Variants in NRXN3 observed in about 807,000 individuals in gnomAD.
The protein encoded by NRXN3 is neurexin 3.
NRXN3 carries 32 observed loss-of-function variants against 137.6 expected under a neutral mutation model. The ratio of observed to expected loss-of-function variants is 0.23; its 90% CI spans 0.18 to 0.31. NRXN3 has a LOEUF of 0.31. Ranked by LOEUF, NRXN3 falls within the 10% of genes least tolerant of loss-of-function variation. The pLI is 1.00. For missense variants in NRXN3, 1,574 were observed against 2,062.5 expected (o/e 0.76, Z 4.59); for synonymous variants, 798 against 784.5 (o/e 1.02, Z -0.29).
chr14:78,925,155 G>A (rs929288118), intron 10 of NRXN3, among the ~76,000 whole-genome samples: 13 of 152,104 alleles, frequency 8.5e-5, no homozygotes, highest in African/African-American at 3.1e-4. Flanking sequence ...TTTTAAAAGA[G>A]GAAATATTTC....
At chr14:78,583,676 T>C (rs1048168148) in intron 4 of NRXN3, among the ~76,000 whole-genome samples, 17 of 152,178 alleles carry the variant, frequency 1.1e-4, no homozygotes, top group Admixed American at 2.6e-4. Context: ...TATGTCTGCA[T>C]TGAATTAGTA....
intron 15 of NRXN3, among the ~76,000 whole-genome samples, chr14:79,252,179 T>C (rs1164119241): frequency 2.6e-5 from 4 of 152,180 alleles, no homozygotes; most frequent in Non-Finnish European, 5.9e-5. Context: ...ATGCCTCCAA[T>C]TCCACCTCTT....
At chr14:78,502,575 T>C (rs12588953) in intron 4 of NRXN3, among the ~76,000 whole-genome samples, 1 of 151,690 alleles carries the variant, frequency 6.6e-6, no homozygotes, top group Admixed American at 6.6e-5. Context: ...GATGCACAAG[T>C]CTTGATAAAA....
At chr14:78,372,753 G>C (rs2087098863) in intron 4 of NRXN3, among the ~76,000 whole-genome samples, 2 of 152,178 alleles carry the variant, frequency 1.3e-5, no homozygotes, top group South Asian at 2.1e-4. Flanking sequence ...ATAAGCTAAG[G>C]TATGTTGAAA....
intron 11 of NRXN3, among the ~76,000 whole-genome samples, chr14:78,959,169 G>A (rs2099403252): frequency 6.6e-6 from 1 of 152,110 alleles, no homozygotes. Context: ...GTGTAGAGAA[G>A]GATAGCCTGT....
chr14:78,811,305 A>G (rs576917523), intron 10 of NRXN3, among the ~76,000 whole-genome samples: 1 of 152,286 alleles, frequency 6.6e-6, no homozygotes, highest in Non-Finnish European at 1.5e-5. Flanking sequence ...TCAGGGATCT[A>G]GGATCCTTCC....
intron 1 of NRXN3, among the ~76,000 whole-genome samples, chr14:78,220,839 A>G (rs1260499094): frequency 6.6e-6 from 1 of 152,040 alleles, no homozygotes; most frequent in African/African-American, 2.4e-5. Flanking sequence ...GCCAGAGGGG[A>G]GAGAAGCACA....
chr14:79,653,192 C>T (rs2098485446), intron 16 of NRXN3, among the ~76,000 whole-genome samples: 1 of 152,252 alleles, frequency 6.6e-6, no homozygotes, highest in Admixed American at 6.5e-5. Context: ...ACAGTAGATT[C>T]CCCTTGCAGG....
intron 15 of NRXN3, among the ~76,000 whole-genome samples, chr14:79,016,861 C>T (rs1409012318): frequency 2.6e-5 from 4 of 152,136 alleles, no homozygotes; most frequent in African/African-American, 9.7e-5. Flanking sequence ...AACAGTAAGC[C>T]TGACTGCAGA....
intron 16 of NRXN3, among the ~76,000 whole-genome samples, chr14:79,637,881 CACCA>C: frequency 6.6e-6 from 1 of 151,676 alleles, no homozygotes; most frequent in Non-Finnish European, 1.5e-5. Flanking sequence ...AGGTGTGCGC[CACCA>C]TGCCTGGCTA....
intron 16 of NRXN3, among the ~76,000 whole-genome samples, chr14:79,640,716 A>T (rs2098427876): frequency 7.3e-6 from 1 of 136,142 alleles, no homozygotes; most frequent in Admixed American, 7.7e-5. Context: ...CATTTCAAGC[A>T]TGGAAAGCTT....
At chr14:78,630,325 C>G (rs960570240) in intron 4 of NRXN3, among the ~76,000 whole-genome samples, 1 of 152,122 alleles carries the variant, frequency 6.6e-6, no homozygotes, top group Admixed American at 6.5e-5. Context: ...GACTACTTTT[C>G]TATTTATTTA....
In NRXN3 at chr14:79,623,845, TC is replaced by T. The variant is rs939721283; in HGVS notation, c.3445-39931del. 5.1e-5 allele frequency among the ~76,000 whole-genome samples: 7 copies of T among 137,526 alleles called. 1 individual carries two copies. The South Asian group carries it at 1.4e-3, about 27-fold the overall frequency. 90.2% of individuals were successfully genotyped at this position (137,526 alleles called of 152,430 possible). A position where few individuals can be genotyped will look rare whatever the true frequency, so the allele number is the denominator to read the frequency against. Reference sequence around the variant, plus strand: ...TGAAAGAAATCACTGAGTCCTTAGCTCCTGTTTTTTTTTTTTTTTTTTTTGG... The same window carrying T: ...TGAAAGAAATCACTGAGTCCTTAGCTCTGTTTTTTTTTTTTTTTTTTTTGG... On this transcript the variant is annotated intron_variant, in intron 16 of 20. Coordinates refer to ENST00000335750, the MANE Select transcript of NRXN3 (RefSeq NM_001330195.2).
At chr14:79,577,985 A>AT (rs1432873039) in intron 16 of NRXN3, among the ~76,000 whole-genome samples, 1 of 152,202 alleles carries the variant, frequency 6.6e-6, no homozygotes, top group Non-Finnish European at 1.5e-5. Context: ...CACTGTTATT[A>AT]TACCAACTCT....
intron 16 of NRXN3, among the ~76,000 whole-genome samples, chr14:79,647,659 T>C (rs1442259944): frequency 7.4e-6 from 1 of 135,584 alleles, no homozygotes; most frequent in African/African-American, 2.5e-5. Flanking sequence ...AGCCGACCCA[T>C]CTCTCTGAAG....
chr14:79,739,080 A>G (rs1297710138), intron 19 of NRXN3, among the ~76,000 whole-genome samples: 2 of 152,188 alleles, frequency 1.3e-5, no homozygotes, highest in Non-Finnish European at 2.9e-5. Context: ...CTGCCATCCC[A>G]TTTCAAAGAC....
At chr14:79,652,614 G>A (rs1312348300) in intron 16 of NRXN3, among the ~76,000 whole-genome samples, 1 of 152,104 alleles carries the variant, frequency 6.6e-6, no homozygotes, top group Non-Finnish European at 1.5e-5. Flanking sequence ...AGAGCACATA[G>A]CTTTGAAATA....
chr14:78,305,597 G>A (rs2077288687), intron 4 of NRXN3, among the ~76,000 whole-genome samples: 2 of 152,154 alleles, frequency 1.3e-5, no homozygotes, highest in African/African-American at 4.8e-5. Flanking sequence ...GATTTGAGGA[G>A]CTGAGCCCCC....
chr14:78,328,415 A>G (rs2080369363), intron 4 of NRXN3, among the ~76,000 whole-genome samples: 1 of 152,188 alleles, frequency 6.6e-6, no homozygotes, highest in Admixed American at 6.5e-5. Context: ...ATCAATCATC[A>G]TTAACCACAG....
Sources: allele counts gnomAD v4.1 joint callset (sites outside exome capture counted in the v4.1 genomes callset), GRCh38; gene constraint gnomAD v4.1.1; transcripts MANE v1.5; gene names NCBI Gene and HGNC (gene_info 2026-07-23, HGNC 2026-07-21).